DCC: variants seen among roughly 807,000 people sequenced by gnomAD.
DCC encodes the protein DCC netrin 1 receptor.
In DCC, 58 loss-of-function variants were observed where a neutral mutation model predicts 172.5. The ratio of observed to expected loss-of-function variants is 0.34; its 90% CI spans 0.27 to 0.42. The LOEUF (loss-of-function observed/expected upper bound fraction) is 0.42, where lower values mean the gene tolerates loss of function less well. Among genes scored for constraint, DCC ranks in the 10% least tolerant of loss-of-function variants. DCC has a pLI of 1.00. For synonymous variants in DCC, 709 were observed against 644.5 expected (o/e 1.10, Z -1.52); for missense variants, 1,740 against 1,791.0 (o/e 0.97, Z 0.51).
chr18:52,885,424 C>T (rs1598898279), intron 2 of DCC, among the ~76,000 whole-genome samples: 1 of 152,120 alleles, frequency 6.6e-6, no homozygotes, highest in African/African-American at 2.4e-5. Flanking sequence ...GGAGCCTCTC[C>T]CTGTGGCCAC....
At chr18:52,927,126 C>CGTGTATATACACGTGTATATAT (rs1568192102) in intron 5 of DCC, among the ~76,000 whole-genome samples, 2 of 76,532 alleles carry the variant, frequency 2.6e-5, no homozygotes, top group Non-Finnish European at 5.6e-5. Context: ...CGTGTATATA[C>CGTGTATATACACGTGTATATAT]ACGTATATAC....
chr18:52,547,338 A>C (rs1008267651), intron 1 of DCC, among the ~76,000 whole-genome samples: 2 of 152,136 alleles, frequency 1.3e-5, no homozygotes, highest in African/African-American at 4.8e-5. Flanking sequence ...ACTATTGTAA[A>C]TTGGGAGAAG....
At chr18:53,246,028 G>T (rs530748474) in intron 12 of DCC, among the ~76,000 whole-genome samples, 60 of 152,116 alleles carry the variant, frequency 3.9e-4, no homozygotes, top group Middle Eastern at 3.4e-3. Flanking sequence ...CACCATGTCT[G>T]CTACTCAGAG....
intron 1 of DCC, among the ~76,000 whole-genome samples, chr18:52,344,995 T>C (rs1453849867): frequency 6.6e-6 from 1 of 152,206 alleles, no homozygotes; most frequent in African/African-American, 2.4e-5. Flanking sequence ...CCCTAGAGAA[T>C]GAGTTCTTGC....
intron 23 of DCC, among the ~76,000 whole-genome samples, chr18:53,455,238 A>G (rs2045468919): frequency 6.6e-6 from 1 of 152,202 alleles, no homozygotes; most frequent in South Asian, 2.1e-4. Context: ...GAATTAGTAC[A>G]GCACTCTTTA....
chr18:53,341,025 G>A (rs562031558), intron 15 of DCC, among the ~76,000 whole-genome samples: 4 of 152,252 alleles, frequency 2.6e-5, no homozygotes, highest in African/African-American at 9.6e-5. Context: ...AACACCTACT[G>A]GAAATCTCCA....
intron 5 of DCC, among the ~76,000 whole-genome samples, chr18:52,994,083 C>G (rs1381496822): frequency 6.6e-6 from 1 of 152,076 alleles, no homozygotes; most frequent in African/African-American, 2.4e-5. Context: ...AGAGTAGCCA[C>G]TATGTCTCAG....
rs112940815 is a variant in DCC at position 52,443,005 on chromosome 18, A to ATTT, written c.91+102137_91+102139dup. ...CCCAAGATTCCTTAACTTTCTTTCT[A>ATTT]TTTTTTTTTTTTAGCAGAAGTTGAA... On this transcript the variant is annotated intron_variant, in intron 1 of 28. Transcript: ENST00000442544. Among the ~76,000 whole-genome samples the ATTT allele has an allele frequency of 2.1e-3, 307 of 145,520 alleles. 3 individuals carry two copies. The highest frequency in any genetic ancestry group is 7.2e-3 in the African/African-American group (289 of 40,076).
intron 14 of DCC, among the ~76,000 whole-genome samples, chr18:53,330,466 T>A (rs545424120): frequency 1.3e-5 from 2 of 152,254 alleles, no homozygotes; most frequent in African/African-American, 2.4e-5. Context: ...CAGGCTCACA[T>A]CATTTGTCAC....
At chr18:53,401,992 C>T (rs993833327) in intron 18 of DCC, among the ~76,000 whole-genome samples, 10 of 152,136 alleles carry the variant, frequency 6.6e-5, no homozygotes, top group Non-Finnish European at 1.2e-4. Context: ...TTATTTTTTA[C>T]GTCTTCTATT....
intron 2 of DCC, among the ~76,000 whole-genome samples, chr18:52,852,548 T>G (rs1051797102): frequency 1.3e-5 from 2 of 151,672 alleles, no homozygotes; most frequent in African/African-American, 4.9e-5. Context: ...TGAAAATGTT[T>G]TGTTTATTTC....
At chr18:53,227,714 G>T (rs537199396) in intron 12 of DCC, among the ~76,000 whole-genome samples, 2 of 152,142 alleles carry the variant, frequency 1.3e-5, no homozygotes, top group African/African-American at 4.8e-5. Flanking sequence ...GGAAATTACC[G>T]TGTCTTCTAC....
intron 9 of DCC, among the ~76,000 whole-genome samples, chr18:53,203,593 A>C (rs1386024860): frequency 2.6e-5 from 4 of 152,196 alleles, no homozygotes; most frequent in African/African-American, 7.2e-5. Context: ...CCATGGAATA[A>C]ATCTTGAAAA....
chr18:53,362,987 C>T (rs1244516357), intron 15 of DCC, among the ~76,000 whole-genome samples: 1 of 152,138 alleles, frequency 6.6e-6, no homozygotes, highest in Non-Finnish European at 1.5e-5. Context: ...CTTTGCTCCT[C>T]ACAATGTACC....
At chr18:52,928,083 C>T (rs2040247199) in intron 5 of DCC, among the ~76,000 whole-genome samples, 1 of 151,988 alleles carries the variant, frequency 6.6e-6, no homozygotes. Context: ...TACTATGCAG[C>T]CAGATAAATA....
At chr18:52,366,254 C>T (rs553564074) in intron 1 of DCC, among the ~76,000 whole-genome samples, 1 of 152,112 alleles carries the variant, frequency 6.6e-6, no homozygotes, top group East Asian at 1.9e-4. Flanking sequence ...CACGGACCCT[C>T]GCGGTGAGTG....
chr18:52,534,133 G>T (rs1049484461), intron 1 of DCC, among the ~76,000 whole-genome samples: 3 of 151,936 alleles, frequency 2.0e-5, no homozygotes, highest in African/African-American at 4.8e-5. Context: ...TTTAGTAGCA[G>T]GAAAAATGTT....
chr18:52,494,830 T>C (rs2030678695), intron 1 of DCC, among the ~76,000 whole-genome samples: 1 of 152,140 alleles, frequency 6.6e-6, no homozygotes, highest in Non-Finnish European at 1.5e-5. Context: ...ATTTTAAAAA[T>C]TGCATGTTAG....
chr18:53,143,566 C>G (rs2043862599), intron 7 of DCC, among the ~76,000 whole-genome samples: 1 of 152,200 alleles, frequency 6.6e-6, no homozygotes, highest in Non-Finnish European at 1.5e-5. Context: ...ATTTTCTAGT[C>G]ATCCCTTAGT....
Sources: gnomAD v4.1 joint callset for allele counts (sites outside exome capture counted in the v4.1 genomes callset) on GRCh38, gnomAD v4.1.1 for gene constraint, MANE v1.5 for transcripts, NCBI Gene and HGNC (gene_info 2026-07-23, HGNC 2026-07-21) for gene names.